Variants in ANXA4 observed in about 807,000 individuals in gnomAD.
ANXA4 encodes 35-beta calcimedin.
Under a neutral mutation model 49.8 loss-of-function variants are expected in ANXA4, and 39 were observed. The observed-to-expected ratio is 0.78, with a 90% CI of 0.61 to 1.02. The LOEUF is 1.02. Ranked by LOEUF, ANXA4 falls within the 50% of genes least tolerant of loss-of-function variation. ANXA4 has a pLI of 0.00. For synonymous variants in ANXA4, 134 were observed against 152.5 expected, an observed-to-expected ratio of 0.88 and a Z score of 0.89; for missense variants, 360 against 410.1, an observed-to-expected ratio of 0.88 and a Z score of 1.05.
intron 2 of ANXA4, among the ~76,000 whole-genome samples, chr2:69,673,619 A>G (rs1677278476): frequency 6.6e-6 from 1 of 151,816 alleles, no homozygotes; most frequent in South Asian, 2.1e-4. Context: ...ACAAACCTGC[A>G]CGTTCTGCAC....
intron 2 of ANXA4, among the ~76,000 whole-genome samples, chr2:69,664,566 G>T (rs1676863856): frequency 6.6e-6 from 1 of 152,164 alleles, no homozygotes; most frequent in Non-Finnish European, 1.5e-5. Flanking sequence ...TTACATTCTT[G>T]CATAGAATAG....
At chr2:69,775,565 C>G (rs934047190) in intron 1 of ANXA4, among the ~76,000 whole-genome samples, 4 of 152,070 alleles carry the variant, frequency 2.6e-5, no homozygotes, top group African/African-American at 7.3e-5. Context: ...CACAAGGGAG[C>G]CAGTGCTGAG....
chr2:69,671,025 CAAAAAAAAAAA>C lies in ANXA4; in HGVS notation n.766+17757_766+17767del, dbSNP rs762968256. Among the ~76,000 whole-genome samples the C allele has an allele frequency of 3.1e-4, 10 of 32,550 alleles. No homozygotes were observed. The South Asian group carries it at 3.7e-3, about 12-fold the overall frequency. 21.4% of individuals were successfully genotyped at this position (32,550 alleles called of 152,430 possible). A position where few individuals can be genotyped will look rare whatever the true frequency, so the allele number is the denominator to read the frequency against. On this transcript the variant is annotated intron_variant and non_coding_transcript_variant, in intron 2 of 3. Coordinates refer to the ANXA4 transcript ENST00000418066. ...TGGGTGACAGAGTCAGACTCCATCT[CAAAAAAAAAAA>C]AAAAAAAAAAAAAGAAGGGAATACC...
intron 2 of ANXA4, among the ~76,000 whole-genome samples, chr2:69,666,713 G>A (rs1318678172): frequency 6.6e-6 from 1 of 152,160 alleles, no homozygotes; most frequent in African/African-American, 2.4e-5. Flanking sequence ...AAAGCATTAT[G>A]CTAAGTGAAA....
intron 2 of ANXA4, among the ~76,000 whole-genome samples, chr2:69,682,320 A>T (rs1677629413): frequency 6.6e-6 from 1 of 151,972 alleles, no homozygotes; most frequent in African/African-American, 2.4e-5. Context: ...GTTTCAATAA[A>T]TTTTTTTTAA....
rs184227570 is a variant in ANXA4 at position 69,647,823 on chromosome 2, C to T, written n.481+2918C>T. Among the ~76,000 whole-genome samples the T allele has an allele frequency of 4.6e-5, 7 of 152,304 alleles. No homozygotes were observed. In the East Asian group the frequency reaches 1.3e-3, roughly 29 times the overall value. Reference sequence around the variant, plus strand: ...CCTCCCACCTCAGCCTCCCAAAGTGCTGAGATTACAGATGTGAGCCACCGT... The same window carrying T: ...CCTCCCACCTCAGCCTCCCAAAGTGTTGAGATTACAGATGTGAGCCACCGT... On this transcript the variant is annotated intron_variant and non_coding_transcript_variant, in intron 1 of 3. Transcript: ENST00000418066.
chr2:69,683,457 T>C (rs1677668471), intron 2 of ANXA4, among the ~76,000 whole-genome samples: 1 of 152,242 alleles, frequency 6.6e-6, no homozygotes, highest in Non-Finnish European at 1.5e-5. Flanking sequence ...GATTGTGAGA[T>C]GAATTTGGCC....
intron 9 of ANXA4, chr2:69,817,478 G>T (rs72839873): frequency 0.013 from 2,005 of 152,244 alleles, 27 homozygotes; most frequent in Non-Finnish European, 0.022. Flanking sequence ...CTGAGGCTTA[G>T]AAAATGTGTC....
At chr2:69,766,392 T>G (rs191079558) in intron 1 of ANXA4, among the ~76,000 whole-genome samples, 7 of 152,330 alleles carry the variant, frequency 4.6e-5, no homozygotes, top group African/African-American at 1.7e-4. Flanking sequence ...TGCAGTTGTC[T>G]TATAAAGGAA....
In ANXA4 at chr2:69,825,786, A is replaced by T. The variant is rs1674446754; in HGVS notation, c.*271A>T. On this transcript the variant is annotated 3_prime_UTR_variant, in exon 13 of 13. Coordinates refer to ENST00000394295, the MANE Select transcript of ANXA4 (RefSeq NM_001153.5). ...ATGTATTCCATGTTTTTAAAAGATT[A>T]CTTTCTACTTTGTGTTTCACAGACA... 1 of 291,378 alleles carries T rather than the reference A, an allele frequency of 3.4e-6. No homozygotes were observed. The highest frequency in any genetic ancestry group is 2.2e-5 in the African/African-American group (1 of 46,052). The allele number at this position is 291,378 out of a possible 1,614,324, so 18.0% of individuals were successfully genotyped here. A position where few individuals can be genotyped will look rare whatever the true frequency, so the allele number is the denominator to read the frequency against.
chr2:69,685,827 G>A (rs930408263), intron 2 of ANXA4, among the ~76,000 whole-genome samples: 3 of 152,156 alleles, frequency 2.0e-5, no homozygotes, highest in African/African-American at 7.2e-5. Flanking sequence ...TTAACAACTG[G>A]CCCTGGGTTG....
At chr2:69,794,507 A>ATTATGTTATATTATG (rs1672837295) in intron 3 of ANXA4, among the ~76,000 whole-genome samples, 12 of 79,928 alleles carry the variant, frequency 1.5e-4, no homozygotes, top group African/African-American at 6.0e-4. Flanking sequence ...GTTATGTTAT[A>ATTATGTTATATTATG]TTATGTTATG....
chr2:69,788,006 G>C (rs762795190), intron 2 of ANXA4, 48 bp from the exon 3 acceptor site: 1 of 1,519,464 alleles, frequency 6.6e-7, no homozygotes, highest in Non-Finnish European at 9.1e-7. Flanking sequence ...ATGCCTCCGT[G>C]TTGGTGAGAG....
rs61370033 is a variant in ANXA4 at position 69,765,075 on chromosome 2, T to TACAC, written c.-46-16424_-46-16421dup. On this transcript the variant is annotated intron_variant, in intron 1 of 12. Coordinates refer to ENST00000394295, the MANE Select transcript of ANXA4 (RefSeq NM_001153.5). The stretch of plus-strand genomic sequence containing the variant: ...ATATATTCCACTGTATATATGTGTA[T>TACAC]ACACACACACACACACACACACACC... 1.0e-2 allele frequency among the ~76,000 whole-genome samples: 1,494 copies of TACAC among 150,076 alleles called. 16 individuals are homozygous for TACAC. The highest frequency in any genetic ancestry group is 0.025 in the African/African-American group (1,004 of 40,926).
chr2:69,825,406 G>A (rs748299519), intron 12 of ANXA4, 50 bp from the exon 13 acceptor site: 1 of 1,489,752 alleles, frequency 6.7e-7, no homozygotes, highest in East Asian at 2.3e-5. Flanking sequence ...TTTGAACTGT[G>A]TGTTTCATTT....
intron 1 of ANXA4, among the ~76,000 whole-genome samples, chr2:69,759,227 TATAGTAAA>T (rs1165121479): frequency 6.6e-6 from 1 of 151,912 alleles, no homozygotes; most frequent in East Asian, 1.9e-4. Context: ...GATGGATGAC[TATAGTAAA>T]ATAGTAAAAT....
chr2:69,707,120 C>G (rs1439956894), intron 2 of ANXA4, among the ~76,000 whole-genome samples: 1 of 152,112 alleles, frequency 6.6e-6, no homozygotes, highest in East Asian at 1.9e-4. Context: ...TTCTTTTGCT[C>G]TCCTCATTTA....
At chr2:69,692,194 T>C (rs1269467585) in intron 2 of ANXA4, among the ~76,000 whole-genome samples, 2 of 152,194 alleles carry the variant, frequency 1.3e-5, no homozygotes, top group Non-Finnish European at 2.9e-5. Flanking sequence ...CAACTCTTCA[T>C]TTTTTTAAAG....
chr2:69,765,531 C>T (rs182066016), intron 1 of ANXA4, among the ~76,000 whole-genome samples: 238 of 152,278 alleles, frequency 1.6e-3, no homozygotes, highest in African/African-American at 5.3e-3. Flanking sequence ...GATGTTGCCT[C>T]ATGCTCCTCT....
Sources: allele counts gnomAD v4.1 joint callset (sites outside exome capture counted in the v4.1 genomes callset), GRCh38; gene constraint gnomAD v4.1.1; transcripts MANE v1.5; gene names NCBI Gene and HGNC (gene_info 2026-07-23, HGNC 2026-07-21).